SPTLC3: variants seen among roughly 807,000 people sequenced by gnomAD.
SPTLC3 encodes serine palmitoyltransferase 3.
Under a neutral mutation model 59.3 loss-of-function variants are expected in SPTLC3, and 36 were observed. That is an observed-to-expected ratio of 0.61 (90% confidence interval 0.47 to 0.80). The LOEUF is 0.80. Among genes scored for constraint, SPTLC3 ranks in the 30% least tolerant of loss-of-function variants. SPTLC3 has a pLI of 0.00. For synonymous variants in SPTLC3, 257 were observed against 240.8 expected (o/e 1.07, Z -0.62); for missense variants, 625 against 685.1 (o/e 0.91, Z 0.98).
At chr20:13,057,191 T>C (rs1987765334) in intron 2 of SPTLC3, among the ~76,000 whole-genome samples, 1 of 152,212 alleles carries the variant, frequency 6.6e-6, no homozygotes, top group Non-Finnish European at 1.5e-5. Context: ...TCAGCAGAAA[T>C]GAGCATTATT....
intron 9 of SPTLC3, among the ~76,000 whole-genome samples, chr20:13,141,677 G>C (rs2038386745): frequency 6.6e-6 from 1 of 152,202 alleles, no homozygotes; most frequent in Non-Finnish European, 1.5e-5. Flanking sequence ...TTTGCCACTT[G>C]GTTGCCAGCT....
In SPTLC3 at chr20:13,132,062, A is replaced by C. The variant is rs969291491; in HGVS notation, c.1279+5345A>C. ...CTCTTCTGACCTATCGGCATAGCCC[A>C]CTCCCTCCCTGCCATCCCCTTTCTG... On this transcript the variant is annotated intron_variant, in intron 9 of 11. Transcript: ENST00000399002. Among the ~76,000 whole-genome samples, 40 of 149,320 alleles carry C rather than the reference A, an allele frequency of 2.7e-4. 1 individual carries two copies. The highest frequency in any genetic ancestry group is 5.9e-5 in the Non-Finnish European group (4 of 67,598).
intron 9 of SPTLC3, among the ~76,000 whole-genome samples, chr20:13,127,463 C>T (rs557760452): frequency 1.3e-5 from 2 of 152,298 alleles, no homozygotes; most frequent in South Asian, 2.1e-4. Context: ...GTGCCTCACC[C>T]CACCTCCCAG....
At chr20:13,120,765 C>A (rs1014190488) in intron 8 of SPTLC3, among the ~76,000 whole-genome samples, 2 of 152,200 alleles carry the variant, frequency 1.3e-5, no homozygotes, top group African/African-American at 4.8e-5. Flanking sequence ...CACAAAGTGT[C>A]CTACAAATTC....
rs2038986745 is a variant in SPTLC3, at chr20:13,166,542, C to T, written c.*1675C>T. On this transcript the variant is annotated 3_prime_UTR_variant, in exon 12 of 12. Transcript: ENST00000399002. ...TTGATAACAAAATTCCAACTTTTCTCAATGAAACTGATGCAGTATTATTTG... is the reference window on the plus strand; with the variant it reads ...TTGATAACAAAATTCCAACTTTTCTTAATGAAACTGATGCAGTATTATTTG... 1 of 152,116 alleles carries T rather than the reference C, an allele frequency of 6.6e-6. No individual in the cohort carries two copies. Among genetic ancestry groups the T allele is most frequent in the Admixed American group, 6.5e-5 (1 of 15,274 alleles). The allele number at this position is 152,116 out of a possible 1,614,324, so 9.4% of individuals were successfully genotyped here. A position where few individuals can be genotyped will look rare whatever the true frequency, so the allele number is the denominator to read the frequency against.
chr20:13,052,448 G>A (rs1987535993), intron 2 of SPTLC3, among the ~76,000 whole-genome samples: 1 of 151,754 alleles, frequency 6.6e-6, no homozygotes, highest in Non-Finnish European at 1.5e-5. Flanking sequence ...TTGGGCAGCT[G>A]TTTAGGCAGA....
At chr20:13,033,295 G>T (rs1470975380) in intron 1 of SPTLC3, among the ~76,000 whole-genome samples, 1 of 152,124 alleles carries the variant, frequency 6.6e-6, no homozygotes, top group Non-Finnish European at 1.5e-5. Flanking sequence ...TAACCCAACA[G>T]AAATTTATTT....
Position 13,049,066 on chromosome 20 carries a change from G to A in SPTLC3, c.239G>A (p.Arg80Lys), listed in dbSNP as rs1282180877. 6.2e-7 allele frequency: 1 copy of A among 1,613,880 alleles called. No homozygotes were observed. Among genetic ancestry groups the A allele is most frequent in the South Asian group, 1.1e-5 (1 of 91,040 alleles). The change falls in exon 2 of 12, where the codon AGA becomes AAA. Residue 80 changes from arginine to lysine, a missense_variant. By Grantham distance (26) the Arg-to-Lys change is conservative (BLOSUM62 2). Coordinates refer to ENST00000399002, the MANE Select transcript of SPTLC3 (RefSeq NM_018327.4). Reference sequence around the variant, plus strand: ...ATTGGAACCCTGTTTGGCTATCTCAGAGACTTTTTAAGAAACTGGGGAATA... The same window carrying A: ...ATTGGAACCCTGTTTGGCTATCTCAAAGACTTTTTAAGAAACTGGGGAATA... ...YGIGTLFGYL[R>K]DFLRNWGIEK...
chr20:13,068,623 A>G (rs1437833631), intron 2 of SPTLC3, among the ~76,000 whole-genome samples: 1 of 152,160 alleles, frequency 6.6e-6, no homozygotes, highest in Admixed American at 6.5e-5. Flanking sequence ...TTCACCGATC[A>G]GATCTTTAAT....
chr20:13,026,426 T>C (rs1986146314), intron 1 of SPTLC3, among the ~76,000 whole-genome samples: 1 of 152,286 alleles, frequency 6.6e-6, no homozygotes, highest in Non-Finnish European at 1.5e-5. Flanking sequence ...CCGTACTGAC[T>C]GGTGTGAGAT....
chr20:13,148,297 T>C (rs1029112722), intron 9 of SPTLC3, among the ~76,000 whole-genome samples: 2 of 152,186 alleles, frequency 1.3e-5, no homozygotes, highest in Non-Finnish European at 2.9e-5. Context: ...GTTAAAGTAT[T>C]TGTGGCCTCC....
chr20:13,054,305 C>A (rs1987625234), intron 2 of SPTLC3, among the ~76,000 whole-genome samples: 1 of 152,008 alleles, frequency 6.6e-6, no homozygotes, highest in Admixed American at 6.6e-5. Flanking sequence ...ATTATAAGAA[C>A]AATGGGAAAG....
At chr20:13,148,626 G>A (rs2038571872) in intron 9 of SPTLC3, among the ~76,000 whole-genome samples, 1 of 152,166 alleles carries the variant, frequency 6.6e-6, no homozygotes, top group South Asian at 2.1e-4. Context: ...GCTCAGCCAG[G>A]CTGCAATCAG....
chr20:13,021,533 C>T (rs540765335), intron 1 of SPTLC3, among the ~76,000 whole-genome samples: 2 of 55,092 alleles, frequency 3.6e-5, no homozygotes, highest in African/African-American at 1.6e-4. Flanking sequence ...CACCTCCCCC[C>T]ACCACAACAG....
rs1203996332 is a variant in SPTLC3, at chr20:13,164,983, C to A, written c.*116C>A. ...CTCAGGACAATTTTGGTTCCCAGAC[C>A]AGCTTGATTGAACTGAGGGAGACGT... is the stretch of plus-strand genomic sequence containing the variant. On this transcript the variant is annotated 3_prime_UTR_variant, in exon 12 of 12. Coordinates refer to ENST00000399002, the MANE Select transcript of SPTLC3 (RefSeq NM_018327.4). 7.6e-6 allele frequency: 6 copies of A among 794,116 alleles called. No homozygotes were observed. Among genetic ancestry groups the A allele is most frequent in the Non-Finnish European group, 1.2e-5 (6 of 506,894 alleles). 49.2% of individuals were successfully genotyped at this position (794,116 alleles called of 1,614,324 possible).
intron 11 of SPTLC3, among the ~76,000 whole-genome samples, chr20:13,161,533 G>A (rs1362251412): frequency 2.6e-5 from 4 of 152,164 alleles, no homozygotes; most frequent in African/African-American, 7.2e-5. Context: ...AATCGCAGGT[G>A]GGGACCCAGA....
intron 1 of SPTLC3, among the ~76,000 whole-genome samples, chr20:13,029,720 T>C (rs1267308216): frequency 6.6e-6 from 1 of 152,188 alleles, no homozygotes; most frequent in East Asian, 1.9e-4. Context: ...ACAAAAGATC[T>C]CAGCCAGGGA....
chr20:13,093,674 C>T (rs763412495), intron 6 of SPTLC3, 97 bp downstream of exon 6: 79 of 1,085,580 alleles, frequency 7.3e-5, no homozygotes, highest in Admixed American at 6.9e-4. Flanking sequence ...AAGGTGACAA[C>T]GTAGCCTCAT....
At chr20:13,104,582 T>A (rs377102313) in intron 6 of SPTLC3, among the ~76,000 whole-genome samples, 1 of 152,136 alleles carries the variant, frequency 6.6e-6, no homozygotes, top group Non-Finnish European at 1.5e-5. Flanking sequence ...AATGGACTAA[T>A]ACACCACCAA....
Sources: allele counts gnomAD v4.1 joint callset (sites outside exome capture counted in the v4.1 genomes callset), GRCh38; gene constraint gnomAD v4.1.1; transcripts MANE v1.5; gene names NCBI Gene and HGNC (gene_info 2026-07-23, HGNC 2026-07-21).